The following ABCC3 variants were observed in gnomAD, a reference collection of about 807,000 sequenced individuals.
ABCC3 encodes the protein ATP-binding cassette sub-family C member 3.
A neutral mutation model predicts 165.3 loss-of-function variants in ABCC3; 121 were observed. That is an observed-to-expected ratio of 0.73 (90% CI 0.63 to 0.85). ABCC3 has a LOEUF of 0.85. Ranked by LOEUF, ABCC3 falls within the 40% of genes least tolerant of loss-of-function variation. The probability of loss-of-function intolerance (pLI) is 0.00; values close to 1 mark genes in which losing one functional copy is unlikely to be tolerated. For synonymous variants in ABCC3, 733 were observed against 810.1 expected, an observed-to-expected ratio of 0.90 and a Z score of 1.62; for missense variants, 1,869 against 1,964.1, an observed-to-expected ratio of 0.95 and a Z score of 0.92.
intron 1 of ABCC3, among the ~76,000 whole-genome samples, chr17:50,650,895 T>C (rs991950840): frequency 2.0e-5 from 3 of 151,776 alleles, no homozygotes; most frequent in Admixed American, 6.6e-5. Flanking sequence ...TGAAACCCTG[T>C]CTCTATTAAA....
chr17:50,672,992 C>T lies in ABCC3; in HGVS notation c.2263C>T (p.Gln755Ter). ...CCAGGGCATTAACCTGTCTGGGGGC[C>T]AGCGGCAGCGGGTCAGTCTGGCTCG... ...GEKGINLSGGQRQRVSLARAV... is the reference protein window; with the variant it reads ...GEKGINLSGG Residue 755 changes from glutamine (Q) to a stop codon, truncating the protein, a stop_gained, in exon 18 of 31, where the codon CAG becomes TAG. Coordinates refer to ENST00000285238, the MANE Select transcript of ABCC3 (RefSeq NM_003786.4). LOFTEE classifies it high-confidence loss of function. 6.2e-7 allele frequency: 1 copy of T among 1,613,954 alleles called. No individual in the cohort carries two copies. Among genetic ancestry groups the T allele is most frequent in the Non-Finnish European group, 8.5e-7 (1 of 1,179,998 alleles).
chr17:50,676,513 TGTG>T lies in ABCC3; in HGVS notation c.3306_3308del (p.Val1103del), dbSNP rs1967814104. On this transcript the variant is annotated inframe_deletion, in exon 23 of 31. Transcript: ENST00000285238. ...CCTTCTTCAACGCCATCTCCACTCT[TGTG>T]GTCATCATGGCCAGCACGCCGCTCT... is the stretch of plus-strand genomic sequence containing the variant. 4 of 1,613,560 alleles carry T rather than the reference TGTG, an allele frequency of 2.5e-6. No individual in the cohort carries two copies. The highest frequency in any genetic ancestry group is 3.4e-6 in the Non-Finnish European group (4 of 1,179,870).
intron 13 of ABCC3, 72 bp downstream of exon 13, chr17:50,668,081 G>T: frequency 7.6e-7 from 1 of 1,317,408 alleles, no homozygotes; most frequent in Non-Finnish European, 1.1e-6. Context: ...GGGTCACTTA[G>T]GGCAAGGGAT....
At chr17:50,666,809 G>A (rs866286848) in intron 11 of ABCC3, among the ~76,000 whole-genome samples, 1 of 152,182 alleles carries the variant, frequency 6.6e-6, no homozygotes, top group South Asian at 2.1e-4. Flanking sequence ...CTAAGGTCTT[G>A]GAGAACAAAG....
chr17:50,641,703 G>A (rs924428610), intron 1 of ABCC3, among the ~76,000 whole-genome samples: 1 of 152,186 alleles, frequency 6.6e-6, no homozygotes, highest in African/African-American at 2.4e-5. Context: ...CAGAGCTAAA[G>A]AATCTGTCTT....
In ABCC3 at chr17:50,675,925, C is replaced by T. The variant is rs1472006894; in HGVS notation, c.2902C>T (p.Leu968Phe). 6.2e-7 allele frequency: 1 copy of T among 1,614,150 alleles called. No homozygotes were observed. The highest frequency in any genetic ancestry group is 8.5e-7 in the Non-Finnish European group (1 of 1,180,030). The change falls in exon 22 of 31, where the codon CTC (leucine) becomes TTC (phenylalanine). Residue 968 changes from leucine (L) to phenylalanine (F), a missense_variant. By Grantham distance (22) the Leu-to-Phe change is conservative. Transcript: ENST00000285238. ...CTGGGATTATGCCAAGGCCGTGGGG[C>T]TCTGTACCACGCTGGCCATCTGTCT... The part of the protein sequence containing the change: ...VFWDYAKAVG[L>F]CTTLAICLLY...
At chr17:50,690,211 A>G (rs1463985719) in intron 30 of ABCC3, among the ~76,000 whole-genome samples, 4 of 152,166 alleles carry the variant, frequency 2.6e-5, no homozygotes, top group East Asian at 3.9e-4. Context: ...AGTAGAACCA[A>G]GATGGGGGTG....
rs1296949855 is a variant in ABCC3 at position 50,665,160 on chromosome 17, GT to G, written c.1347del (p.Ser451LeufsTer12). The G allele has an allele frequency of 6.2e-7, 1 of 1,614,024 alleles. No homozygotes were observed. Among genetic ancestry groups the G allele is most frequent in the East Asian group, 2.2e-5 (1 of 44,898 alleles). Reference protein sequence around the residue: ...LAIYFLWQNLGPSVLAGVAFM... With the variant: ...LAIYFLWQNLXPSVLAGVAFM... ...CCACCGGTGCCTCCTCAGAACCTAGGTCCCTCTGTCCTGGCTGGAGTCGCTT... is the reference window on the plus strand; with the variant it reads ...CCACCGGTGCCTCCTCAGAACCTAGGCCCTCTGTCCTGGCTGGAGTCGCTT... On this transcript the variant is annotated frameshift_variant, in exon 11 of 31. Transcript: ENST00000285238. LOFTEE classifies it high-confidence loss of function.
intron 7 of ABCC3, 137 bp from the exon 8 acceptor site, chr17:50,660,786 C>A: frequency 1.5e-5 from 8 of 547,814 alleles, no homozygotes; most frequent in Non-Finnish European, 2.5e-5. Flanking sequence ...CTTATGCTGT[C>A]TGTTCCCCTC....
In ABCC3 at chr17:50,668,071, G is replaced by C; in HGVS notation, c.1782+62G>C. 9 of 1,388,138 alleles carry C rather than the reference G, an allele frequency of 6.5e-6. No individual in the cohort carries two copies. The South Asian group carries it at 1.1e-4, about 17-fold the overall frequency. 86.0% of individuals were successfully genotyped at this position (1,388,138 alleles called of 1,614,324 possible). A position where few individuals can be genotyped will look rare whatever the true frequency, so the allele number is the denominator to read the frequency against. ...GGAACAGGTTGTTGGGGTCAGGGAA[G>C]GGTCACTTAGGGCAAGGGATAATCA... On this transcript the variant is annotated intron_variant, in intron 13 of 30. Coordinates refer to ENST00000285238, the MANE Select transcript of ABCC3 (RefSeq NM_003786.4).
intron 2 of ABCC3, among the ~76,000 whole-genome samples, 198 bp downstream of exon 2, chr17:50,656,206 C>T (rs1967240440): frequency 6.6e-6 from 1 of 152,180 alleles, no homozygotes; most frequent in Admixed American, 6.5e-5. Flanking sequence ...CTGCCTCAGC[C>T]TCCTGAGTAG....
intron 8 of ABCC3, among the ~76,000 whole-genome samples, chr17:50,661,843 C>G (rs576312210): frequency 1.3e-5 from 2 of 152,036 alleles, no homozygotes; most frequent in African/African-American, 4.8e-5. Context: ...AAGAAGCCAG[C>G]CTGGGATGCA....
At chr17:50,690,613 C>T (rs553450597) in intron 30 of ABCC3, among the ~76,000 whole-genome samples, 3 of 152,100 alleles carry the variant, frequency 2.0e-5, no homozygotes, top group Admixed American at 1.3e-4. Context: ...GGAGACCCAC[C>T]GAGCAGCAGC....
Position 50,675,427 on chromosome 17 carries a change from CTG to C in ABCC3, c.2666_2667del (p.Leu889HisfsTer4), listed in dbSNP as rs768286009. 1.2e-6 allele frequency: 2 copies of C among 1,613,980 alleles called. No individual in the cohort carries two copies. Among genetic ancestry groups the C allele is most frequent in the African/African-American group, 1.3e-5 (1 of 74,920 alleles). ...IEDTLSNHTD[L>X]TDNDPVTYVV... is the part of the protein sequence containing the mutation. ...AGACACACTCAGCAACCACACGGAT[CTG>C]ACAGACAATGATCCAGTCACCTATG... On this transcript the variant is annotated frameshift_variant, in exon 20 of 31. Coordinates refer to ENST00000285238, the MANE Select transcript of ABCC3 (RefSeq NM_003786.4). LOFTEE classifies it high-confidence loss of function.
At chr17:50,685,304 G>A (rs1968005051) in intron 29 of ABCC3, among the ~76,000 whole-genome samples, 2 of 152,228 alleles carry the variant, frequency 1.3e-5, no homozygotes, top group Admixed American at 1.3e-4. Flanking sequence ...CTCTTACTGA[G>A]TCTAAAGGTT....
At chr17:50,664,422 T>A in intron 10 of ABCC3, 1 of 355,678 alleles carries the variant, frequency 2.8e-6, no homozygotes, top group South Asian at 3.1e-5. Context: ...ACACAAGAGC[T>A]GGCTGGGCAC....
At position 50,668,867 on chromosome 17, in the gene ABCC3, A is replaced by C. The variant is rs746250571; in HGVS notation, c.1885A>C (p.Ile629Leu). The change falls in exon 15 of 31, where the codon ATA becomes CTA. Residue 629 changes from isoleucine (I) to leucine (L), a missense_variant. By Grantham distance (5) the Ile-to-Leu change is conservative. Transcript: ENST00000285238. ...KTISPGYAITIHSGTFTWAQD... is the reference protein window; with the variant it reads ...KTISPGYAITLHSGTFTWAQD... ...GGTCCTCTCAGGCTATGCCATCACC[A>C]TACACAGTGGCACCTTCACCTGGGC... The C allele has an allele frequency of 2.5e-6, 4 of 1,613,364 alleles. 1 individual carries two copies. In the South Asian group the frequency reaches 4.4e-5, roughly 18 times the overall value.
In ABCC3 at chr17:50,658,119, A is replaced by G. The variant is rs1967294926; in HGVS notation, c.524A>G (p.Tyr175Cys). 2 of 1,613,940 alleles carry G rather than the reference A, an allele frequency of 1.2e-6. No individual in the cohort carries two copies. The highest frequency in any genetic ancestry group is 1.7e-6 in the Non-Finnish European group (2 of 1,179,998). ...ISDPFRFTTFYIHFALVLSAL... is the reference protein window; with the variant it reads ...ISDPFRFTTFCIHFALVLSAL... ...GACCCCTTCCGCTTCACCACCTTCT[A>G]CATCCACTTTGCCCTGGTACTCTCT... is the stretch of plus-strand genomic sequence containing the variant. The change falls in exon 5 of 31, where the codon TAC becomes TGC. Residue 175 changes from tyrosine to cysteine, a missense_variant. Physicochemically the swap from Tyr to Cys is radical, Grantham distance 194. Transcript: ENST00000285238.
intron 8 of ABCC3, 129 bp from the exon 9 acceptor site, chr17:50,663,552 G>T (rs1034535541): frequency 1.8e-6 from 2 of 1,099,792 alleles, no homozygotes; most frequent in Non-Finnish European, 1.3e-6. Flanking sequence ...TGGCCCAAGA[G>T]GTTGGAGGGG....
Sources: gnomAD v4.1 joint callset for allele counts (sites outside exome capture counted in the v4.1 genomes callset) on GRCh38, gnomAD v4.1.1 for gene constraint, MANE v1.5 for transcripts, NCBI Gene and HGNC (gene_info 2026-07-23, HGNC 2026-07-21) for gene names.